The following COL4A2 variants were observed in gnomAD, a reference collection of about 807,000 sequenced individuals.
The protein encoded by COL4A2 is collagen alpha-2(IV) chain.
Under a neutral mutation model 200.2 loss-of-function variants are expected in COL4A2, and 99 were observed. The ratio of observed to expected loss-of-function variants is 0.49; its 90% CI spans 0.42 to 0.58. The LOEUF (loss-of-function observed/expected upper bound fraction) is 0.58, where lower values mean the gene tolerates loss of function less well. COL4A2 is among the 20% of genes least tolerant of loss of function. The pLI is 0.00. For synonymous variants in COL4A2, 897 were observed against 900.6 expected (o/e 1.00, Z 0.07); for missense variants, 1,950 against 2,314.1 (o/e 0.84, Z 3.23).
intron 4 of COL4A2, among the ~76,000 whole-genome samples, chr13:110,369,599 G>A (rs889372217): frequency 1.3e-5 from 2 of 152,094 alleles, no homozygotes; most frequent in Admixed American, 6.6e-5. Flanking sequence ...AATGCCCATC[G>A]GTAGCACTCA....
At chr13:110,359,030 A>G (rs1160589439) in intron 4 of COL4A2, among the ~76,000 whole-genome samples, 1 of 152,250 alleles carries the variant, frequency 6.6e-6, no homozygotes, top group African/African-American at 2.4e-5. Context: ...TGTAAAGAAA[A>G]AAGTAGTTGC....
chr13:110,346,786 A>T (rs1876722287), intron 3 of COL4A2, among the ~76,000 whole-genome samples: 1 of 152,140 alleles, frequency 6.6e-6, no homozygotes, highest in Admixed American at 6.5e-5. Context: ...ATGACTCAAG[A>T]TGAGGCACAT....
intron 18 of COL4A2, among the ~76,000 whole-genome samples, chr13:110,447,933 A>G (rs1006970262): frequency 1.3e-5 from 2 of 152,196 alleles, no homozygotes; most frequent in Non-Finnish European, 2.9e-5. Flanking sequence ...ATGGCTTTGC[A>G]TGTCTTCATC....
chr13:110,389,620 C>T (rs1420062526), intron 4 of COL4A2, among the ~76,000 whole-genome samples: 2 of 152,150 alleles, frequency 1.3e-5, no homozygotes, highest in African/African-American at 2.4e-5. Flanking sequence ...TGATGGACAT[C>T]AAATCGACTG....
In COL4A2 at chr13:110,512,521, A is replaced by C; in HGVS notation, c.*330A>C. 6.4e-6 allele frequency: 2 copies of C among 311,104 alleles called. No homozygotes were observed. The highest frequency in any genetic ancestry group is 1.2e-5 in the Non-Finnish European group (2 of 168,348). The allele number at this position is 311,104 out of a possible 1,614,324, so 19.3% of individuals were successfully genotyped here. A position where few individuals can be genotyped will look rare whatever the true frequency, so the allele number is the denominator to read the frequency against. Reference sequence around the variant, plus strand: ...CTTTCCAATGCCACAGACAACTCACATTGTTCAACTCCCTTCTCGGGGTGG... The same window carrying C: ...CTTTCCAATGCCACAGACAACTCACCTTGTTCAACTCCCTTCTCGGGGTGG... On this transcript the variant is annotated 3_prime_UTR_variant, in exon 48 of 48. Transcript: ENST00000360467.
chr13:110,483,135 AC>A, intron 32 of COL4A2, among the ~76,000 whole-genome samples: 1 of 151,696 alleles, frequency 6.6e-6, no homozygotes, highest in Non-Finnish European at 1.5e-5. Context: ...GCATCTCAAG[AC>A]CCCCCACGTA....
intron 4 of COL4A2, among the ~76,000 whole-genome samples, chr13:110,413,308 G>A (rs1385126122): frequency 5.9e-5 from 9 of 152,252 alleles, no homozygotes; most frequent in African/African-American, 2.2e-4. Context: ...TCCTGCAAGA[G>A]ATGCCGGGGA....
At chr13:110,312,281 G>A (rs1461339642) in intron 3 of COL4A2, among the ~76,000 whole-genome samples, 1 of 152,184 alleles carries the variant, frequency 6.6e-6, no homozygotes, top group East Asian at 1.9e-4. Context: ...AAGGAGAGGT[G>A]GGTAGGAAGG....
chr13:110,440,783 G>A (rs999933918), intron 16 of COL4A2, among the ~76,000 whole-genome samples: 4 of 152,154 alleles, frequency 2.6e-5, no homozygotes, highest in South Asian at 4.2e-4. Flanking sequence ...CGGCAGGCCC[G>A]GCAGGCTCCC....
intron 26 of COL4A2, among the ~76,000 whole-genome samples, chr13:110,466,438 C>T (rs1182004373): frequency 1.3e-5 from 2 of 152,172 alleles, no homozygotes; most frequent in Non-Finnish European, 2.9e-5. Flanking sequence ...CCCAGGCACA[C>T]AGACAAAAGA....
chr13:110,328,425 T>C (rs891996878), intron 3 of COL4A2: 1 of 152,228 alleles, frequency 6.6e-6, no homozygotes, highest in African/African-American at 2.4e-5. Context: ...GGCAGGCAAG[T>C]TCACTGCTAT....
chr13:110,421,947 G>C (rs118014307), intron 4 of COL4A2, among the ~76,000 whole-genome samples: 1 of 152,338 alleles, frequency 6.6e-6, no homozygotes, highest in East Asian at 1.9e-4. Context: ...TCATCAATAA[G>C]ACGTGCATAT....
At position 110,503,762 on chromosome 13, in the gene COL4A2, C is replaced by T; in HGVS notation, c.4139-85C>T. Reference sequence around the variant, plus strand: ...GTCTGGGAAGCTCCAAAAGAAGCCTCCCTGGTGAGAAACGCAGTAGCACTC... The same window carrying T: ...GTCTGGGAAGCTCCAAAAGAAGCCTTCCTGGTGAGAAACGCAGTAGCACTC... On this transcript the variant is annotated intron_variant, in intron 43 of 47. Transcript: ENST00000360467. The T allele has an allele frequency of 3.9e-6, 6 of 1,532,756 alleles. 1 individual carries two copies. The South Asian group carries it at 6.9e-5, about 18-fold the overall frequency. 94.9% of individuals were successfully genotyped at this position (1,532,756 alleles called of 1,614,324 possible). A position where few individuals can be genotyped will look rare whatever the true frequency, so the allele number is the denominator to read the frequency against.
At chr13:110,488,783 T>G (rs961609030) in intron 34 of COL4A2, among the ~76,000 whole-genome samples, 1 of 152,196 alleles carries the variant, frequency 6.6e-6, no homozygotes, top group Non-Finnish European at 1.5e-5. Flanking sequence ...GTCCACCATG[T>G]GCACGCGGGA....
chr13:110,417,654 T>C (rs915611879), intron 4 of COL4A2, among the ~76,000 whole-genome samples: 6 of 152,194 alleles, frequency 3.9e-5, no homozygotes, highest in African/African-American at 1.4e-4. Flanking sequence ...CAGCCACTCA[T>C]CTGTTTTCTG....
Position 110,385,659 on chromosome 13 carries a change from A to C in COL4A2, c.180+28107A>C, listed in dbSNP as rs111560574. Among the ~76,000 whole-genome samples, 47 of 32,374 alleles carry C rather than the reference A, an allele frequency of 1.5e-3. 8 individuals are homozygous for C. Among genetic ancestry groups the C allele is most frequent in the African/African-American group, 4.2e-3 (47 of 11,064 alleles). 21.2% of individuals were successfully genotyped at this position (32,374 alleles called of 152,430 possible). On this transcript the variant is annotated intron_variant, in intron 4 of 47. Coordinates refer to ENST00000360467, the MANE Select transcript of COL4A2 (RefSeq NM_001846.4). Reference sequence around the variant, plus strand: ...GGCCGTGGCTACAGTGTGTGGATAGACCGTGGCTGCAGTGTGTGGATAGGC... The same window carrying C: ...GGCCGTGGCTACAGTGTGTGGATAGCCCGTGGCTGCAGTGTGTGGATAGGC...
intron 29 of COL4A2, chr13:110,473,361 A>G (rs545982695): frequency 3.8e-6 from 2 of 527,226 alleles, no homozygotes; most frequent in Non-Finnish European, 6.6e-6. Flanking sequence ...CGATCTGGCC[A>G]TCTGAGAACT....
chr13:110,344,474 G>A (rs748188251), intron 3 of COL4A2, among the ~76,000 whole-genome samples: 5 of 152,168 alleles, frequency 3.3e-5, no homozygotes, highest in Non-Finnish European at 7.4e-5. Flanking sequence ...CTTGCTGATA[G>A]GTAATTGGAA....
At chr13:110,365,053 G>A (rs987640175) in intron 4 of COL4A2, among the ~76,000 whole-genome samples, 1 of 152,132 alleles carries the variant, frequency 6.6e-6, no homozygotes, top group Admixed American at 6.5e-5. Flanking sequence ...AATACATATT[G>A]TTTTTAAATT....
Sources: gnomAD v4.1 joint callset for allele counts (sites outside exome capture counted in the v4.1 genomes callset) on GRCh38, gnomAD v4.1.1 for gene constraint, MANE v1.5 for transcripts, NCBI Gene and HGNC (gene_info 2026-07-23, HGNC 2026-07-21) for gene names.